The following HTR2C variants were observed in gnomAD, a reference collection of about 807,000 sequenced individuals.
HTR2C encodes 5-hydroxytryptamine (serotonin) receptor 2C, G protein-coupled.
In HTR2C, 5 loss-of-function variants were observed where a neutral mutation model predicts 21.0. That is an observed-to-expected ratio of 0.24 (90% confidence interval 0.12 to 0.50). The LOEUF (loss-of-function observed/expected upper bound fraction) is 0.50, where lower values mean the gene tolerates loss of function less well. HTR2C is among the 20% of genes least tolerant of loss of function. HTR2C has a pLI of 0.98. For missense variants in HTR2C, 271 were observed against 371.2 expected (o/e 0.73, Z 2.22); for synonymous variants, 150 against 145.3 (o/e 1.03, Z -0.23).
chrX:114,738,636 G>A (rs781833754), intron 4 of HTR2C, among the ~76,000 whole-genome samples: 1 of 110,259 alleles, frequency 9.1e-6, no homozygotes, highest in East Asian at 2.9e-4. Context: ...GGGGCCTGTT[G>A]GGGCATAGAG....
rs781885083 is a variant in HTR2C at position 114,874,961 on chromosome X, G to A, written c.550+26758G>A. Among the ~76,000 whole-genome samples the A allele has an allele frequency of 5.4e-5, 6 of 111,398 alleles. No homozygotes were observed. In the East Asian group the frequency reaches 8.5e-4, roughly 16 times the overall value. ...TGGATATTCATACCTATATTTGTGG[G>A]TTCAGGCTGCTATAACAAAACATCA... On this transcript the variant is annotated intron_variant, in intron 5 of 5. Coordinates refer to ENST00000276198, the MANE Select transcript of HTR2C (RefSeq NM_000868.4).
intron 5 of HTR2C, among the ~76,000 whole-genome samples, chrX:114,888,960 C>T (rs782070355): frequency 2.7e-5 from 3 of 111,804 alleles, no homozygotes; most frequent in Admixed American, 9.5e-5. Flanking sequence ...CAAATATCTA[C>T]GTTTTCACAG....
intron 2 of HTR2C, among the ~76,000 whole-genome samples, chrX:114,696,209 C>T (rs1183407673): frequency 9.0e-6 from 1 of 111,502 alleles, no homozygotes; most frequent in Admixed American, 9.6e-5. Context: ...TATATCTATC[C>T]TCCAAAGGCT....
At chrX:114,816,255 A>AGGTAGATAGAT (rs2070583952) in intron 4 of HTR2C, among the ~76,000 whole-genome samples, 5 of 71,828 alleles carry the variant, frequency 7.0e-5, no homozygotes, top group Admixed American at 1.9e-4. Context: ...ATAGATAGGT[A>AGGTAGATAGAT]GATAGATAGA....
intron 4 of HTR2C, among the ~76,000 whole-genome samples, chrX:114,767,704 A>AAT (rs1456872685): frequency 1.9e-5 from 2 of 107,997 alleles, no homozygotes; most frequent in Non-Finnish European, 3.8e-5. Context: ...TATATAATGA[A>AAT]ATATATATAT....
chrX:114,612,045 T>G (rs1307773180), intron 1 of HTR2C, among the ~76,000 whole-genome samples: 1 of 110,507 alleles, frequency 9.0e-6, no homozygotes, highest in African/African-American at 3.3e-5. Context: ...TTAGAACTAT[T>G]TTTTACTTTC....
intron 4 of HTR2C, among the ~76,000 whole-genome samples, chrX:114,806,053 T>TATCATATATAC (rs2014241760): frequency 2.7e-5 from 1 of 36,903 alleles, no homozygotes; most frequent in African/African-American, 7.4e-5. Flanking sequence ...ACCATATGCA[T>TATCATATATAC]ACCATATATA....
chrX:114,807,950 C>A (rs932075818), intron 4 of HTR2C, among the ~76,000 whole-genome samples: 1 of 111,604 alleles, frequency 9.0e-6, no homozygotes, highest in Admixed American at 9.6e-5. Context: ...GGATTACAGG[C>A]GTGAGCCACC....
At chrX:114,594,057 A>G (rs1927735994) in intron 1 of HTR2C, among the ~76,000 whole-genome samples, 2 of 111,365 alleles carry the variant, frequency 1.8e-5, no homozygotes, top group African/African-American at 6.6e-5. Context: ...TTGTTATTTA[A>G]AGTAAATTTA....
chrX:114,806,881 C>T (rs1399271047), intron 4 of HTR2C, among the ~76,000 whole-genome samples: 1 of 99,931 alleles, frequency 1.0e-5, no homozygotes, highest in Non-Finnish European at 2.0e-5. Context: ...TGTATATACA[C>T]CATATATATA....
rs373076911 is a variant in HTR2C, at chrX:114,636,358, A to T, written c.-80+22477A>T. On this transcript the variant is annotated intron_variant, in intron 2 of 5. Transcript: ENST00000276198. Reference sequence around the variant, plus strand: ...AAGTAACCCTAAAACATCAGTATGGATTATACATCACTTTTGATAATACAC... The same window carrying T: ...AAGTAACCCTAAAACATCAGTATGGTTTATACATCACTTTTGATAATACAC... Among the ~76,000 whole-genome samples, 7 of 111,541 alleles carry T rather than the reference A, an allele frequency of 6.3e-5. No homozygotes were observed. In the East Asian group the frequency reaches 1.4e-3, roughly 23 times the overall value.
chrX:114,764,937 C>CTTTCTT (rs2069930495), intron 4 of HTR2C, among the ~76,000 whole-genome samples: 2 of 25,903 alleles, frequency 7.7e-5, no homozygotes, highest in Non-Finnish European at 1.6e-4. Context: ...TCCTTCCTTC[C>CTTTCTT]TTCCTTCCTT....
intron 2 of HTR2C, among the ~76,000 whole-genome samples, chrX:114,696,962 C>T (rs368727437): frequency 3.5e-4 from 39 of 111,326 alleles, no homozygotes; most frequent in African/African-American, 1.2e-3. Context: ...CAGTTTAGAG[C>T]ACAGGAGATA....
intron 5 of HTR2C, among the ~76,000 whole-genome samples, chrX:114,890,006 C>T (rs1261363808): frequency 8.9e-6 from 1 of 111,763 alleles, no homozygotes; most frequent in African/African-American, 3.3e-5. Context: ...TCCAATTTTT[C>T]TGTTGCTTTT....
At chrX:114,735,144 G>C (rs1019426272) in intron 4 of HTR2C, among the ~76,000 whole-genome samples, 3 of 109,908 alleles carry the variant, frequency 2.7e-5, no homozygotes, top group African/African-American at 1.0e-4. Context: ...TAGAGACCCA[G>C]TATCTACTAA....
At chrX:114,638,649 A>G (rs1355715831) in intron 2 of HTR2C, among the ~76,000 whole-genome samples, 6 of 100,806 alleles carry the variant, frequency 6.0e-5, no homozygotes, top group Admixed American at 1.1e-4. Flanking sequence ...AGCATTAGGT[A>G]TATCTCCCAA....
In HTR2C at chrX:114,595,666, TATAG is replaced by T. The variant is rs1196359249; in HGVS notation, c.-147+11009_-147+11012del. On this transcript the variant is annotated intron_variant, in intron 1 of 5. Transcript: ENST00000276198. ...ATGTGTATGTATATTTGTATATATATATAGAGAGAGTCATGTTACTCCCAGATGT... is the reference window on the plus strand; with the variant it reads ...ATGTGTATGTATATTTGTATATATATAGAGAGTCATGTTACTCCCAGATGT... 4.3e-4 allele frequency among the ~76,000 whole-genome samples: 48 copies of T among 110,994 alleles called. No homozygotes were observed. The South Asian group carries it at 5.3e-3, about 12-fold the overall frequency.
intron 4 of HTR2C, among the ~76,000 whole-genome samples, chrX:114,836,778 T>G (rs1177674672): frequency 1.8e-5 from 2 of 111,832 alleles, no homozygotes; most frequent in African/African-American, 6.6e-5. Flanking sequence ...TATGTTGTTT[T>G]ATGAAAACAA....
chrX:114,704,213 G>A (rs1381844733), intron 2 of HTR2C, among the ~76,000 whole-genome samples: 3 of 111,538 alleles, frequency 2.7e-5, no homozygotes, highest in East Asian at 2.8e-4. Flanking sequence ...ATTTGATGAC[G>A]CCAGCATCAT....
Sources: gnomAD v4.1 joint callset for allele counts (sites outside exome capture counted in the v4.1 genomes callset) on GRCh38, gnomAD v4.1.1 for gene constraint, MANE v1.5 for transcripts, NCBI Gene and HGNC (gene_info 2026-07-23, HGNC 2026-07-21) for gene names.